The following DAB1 variants were observed in gnomAD, a reference collection of about 807,000 sequenced individuals.
The protein encoded by DAB1 is DAB adaptor protein 1.
In DAB1, 15 loss-of-function variants were observed where a neutral mutation model predicts 64.6. That is an observed-to-expected ratio of 0.23 (90% CI 0.16 to 0.36). DAB1 has a LOEUF of 0.36. Ranked by LOEUF, DAB1 falls within the 10% of genes least tolerant of loss-of-function variation. The pLI, the probability that DAB1 is intolerant of heterozygous loss-of-function variation, is 1.00. For synonymous variants in DAB1, 235 were observed against 251.9 expected, an observed-to-expected ratio of 0.93 and a Z score of 0.64; for missense variants, 596 against 706.7, an observed-to-expected ratio of 0.84 and a Z score of 1.78.
intron 4 of DAB1, among the ~76,000 whole-genome samples, chr1:58,245,575 G>C (rs1309298056): frequency 6.6e-6 from 1 of 151,808 alleles, no homozygotes; most frequent in Non-Finnish European, 1.5e-5. Flanking sequence ...GGGTAGAGTG[G>C]AAAAAAGAGA....
At position 57,049,450 on chromosome 1, in the gene DAB1, C is replaced by CAAAAAAAAAAAAAAAA. The variant is rs574438911; in HGVS notation, c.723+13418_723+13433dup. 9.8e-4 allele frequency among the ~76,000 whole-genome samples: 24 copies of CAAAAAAAAAAAAAAAA among 24,582 alleles called. 1 individual carries two copies. Among genetic ancestry groups the CAAAAAAAAAAAAAAAA allele is most frequent in the Non-Finnish European group, 1.5e-3 (21 of 13,872 alleles). 16.1% of individuals were successfully genotyped at this position (24,582 alleles called of 152,430 possible). On this transcript the variant is annotated intron_variant, in intron 9 of 14. Transcript: ENST00000371236. The stretch of plus-strand genomic sequence containing the variant: ...TGGGCAACAGAGCAAGACTCCGTCT[C>CAAAAAAAAAAAAAAAA]AAAAAAAAAAAAAAAAAAAAAAAAA...
At chr1:57,288,940 A>G (rs1358399064) in intron 2 of DAB1, among the ~76,000 whole-genome samples, 4 of 152,182 alleles carry the variant, frequency 2.6e-5, no homozygotes, top group African/African-American at 9.6e-5. Flanking sequence ...TTATATACCC[A>G]TTTTATAAGA....
intron 11 of DAB1, among the ~76,000 whole-genome samples, chr1:57,019,303 T>C (rs927351914): frequency 3.3e-5 from 5 of 152,232 alleles, no homozygotes; most frequent in Non-Finnish European, 7.3e-5. Flanking sequence ...ATAAGTGCTG[T>C]GATCTCTGAT....
chr1:57,801,274 T>C (rs1651111556), intron 6 of DAB1, among the ~76,000 whole-genome samples: 1 of 152,210 alleles, frequency 6.6e-6, no homozygotes, highest in Non-Finnish European at 1.5e-5. Context: ...GTTACTTGTC[T>C]TATCTGGACC....
chr1:58,369,582 A>G (rs1414782616), intron 3 of DAB1, among the ~76,000 whole-genome samples: 1 of 152,278 alleles, frequency 6.6e-6, no homozygotes, highest in East Asian at 1.9e-4. Context: ...GAAGATAACA[A>G]ATGCTCATTT....
intron 5 of DAB1, among the ~76,000 whole-genome samples, chr1:58,132,320 C>T (rs559027939): frequency 3.9e-4 from 59 of 152,298 alleles, no homozygotes; most frequent in Non-Finnish European, 6.6e-4. Flanking sequence ...CTTCAGCTCG[C>T]GCACGGTGCA....
chr1:57,284,305 A>T (rs1672139538), intron 2 of DAB1, among the ~76,000 whole-genome samples: 1 of 152,190 alleles, frequency 6.6e-6, no homozygotes, highest in Non-Finnish European at 1.5e-5. Context: ...CTTTAACTAC[A>T]GCGTGGATGA....
chr1:57,815,164 C>G (rs998293514), intron 6 of DAB1, among the ~76,000 whole-genome samples: 9 of 151,990 alleles, frequency 5.9e-5, no homozygotes, highest in Non-Finnish European at 1.5e-5. Context: ...CTCCACCTCC[C>G]GGGTTCACAC....
At chr1:57,855,576 A>T (rs1247093477) in intron 1 of DAB1, among the ~76,000 whole-genome samples, 1 of 152,188 alleles carries the variant, frequency 6.6e-6, no homozygotes, top group African/African-American at 2.4e-5. Context: ...GACTGAAATG[A>T]AATGAAGGGT....
chr1:57,715,915 T>C (rs1647078608), intron 6 of DAB1, among the ~76,000 whole-genome samples: 1 of 152,184 alleles, frequency 6.6e-6, no homozygotes, highest in African/African-American at 2.4e-5. Flanking sequence ...TGACATTCTT[T>C]TTTTCTTTTC....
At chr1:58,541,614 C>CAAAAAAAAAAAAAA (rs60360589) in intron 1 of DAB1, 23 of 65,624 alleles carry the variant, frequency 3.5e-4, no homozygotes, top group South Asian at 7.5e-4. Flanking sequence ...GAGAACCTGT[C>CAAAAAAAAAAAAAA]AAAAAAAAAA....
chr1:57,718,517 A>G (rs1647112308), intron 6 of DAB1, among the ~76,000 whole-genome samples: 1 of 152,150 alleles, frequency 6.6e-6, no homozygotes, highest in Non-Finnish European at 1.5e-5. Context: ...GAAAAAAGCA[A>G]TTCTGAAGAA....
Position 57,889,901 on chromosome 1 carries a change from G to C in DAB1, n.388-5739C>G, listed in dbSNP as rs548485063. Among the ~76,000 whole-genome samples the C allele has an allele frequency of 1.2e-4, 9 of 72,624 alleles. No individual in the cohort carries two copies. In the East Asian group the frequency reaches 2.0e-3, roughly 16 times the overall value. 47.6% of individuals were successfully genotyped at this position (72,624 alleles called of 152,430 possible). On this transcript the variant is annotated intron_variant and non_coding_transcript_variant, in intron 5 of 20. Transcript: ENST00000485760. ...GCAGATGGTAGCACAAACTGGGGCG[G>C]GGGGGGGGGAGGGGGAAGAAATCAC... is the stretch of plus-strand genomic sequence containing the variant.
intron 7 of DAB1, among the ~76,000 whole-genome samples, chr1:57,558,191 G>A (rs1645012512): frequency 6.6e-6 from 1 of 152,186 alleles, no homozygotes. Flanking sequence ...AGAAGAAAGA[G>A]CTTCCCCATC....
chr1:57,691,541 T>C (rs1646764419), intron 6 of DAB1, among the ~76,000 whole-genome samples: 1 of 152,166 alleles, frequency 6.6e-6, no homozygotes, highest in Non-Finnish European at 1.5e-5. Flanking sequence ...GATCACTCTT[T>C]GGGTCTGCAC....
chr1:58,342,674 A>G (rs1166147303), intron 4 of DAB1, among the ~76,000 whole-genome samples: 1 of 152,074 alleles, frequency 6.6e-6, no homozygotes, highest in African/African-American at 2.4e-5. Context: ...TCTCCAATGT[A>G]CCCTATATCA....
At chr1:57,511,061 C>T (rs1238928904) in intron 7 of DAB1, among the ~76,000 whole-genome samples, 1 of 152,176 alleles carries the variant, frequency 6.6e-6, no homozygotes, top group African/African-American at 2.4e-5. Flanking sequence ...CATGTCTCCC[C>T]TCTTAAAAGC....
intron 5 of DAB1, among the ~76,000 whole-genome samples, chr1:58,001,570 T>C (rs1287276043): frequency 1.3e-5 from 2 of 152,152 alleles, no homozygotes; most frequent in African/African-American, 4.8e-5. Flanking sequence ...GAAAAGGCCC[T>C]TTTTCTGAAC....
At chr1:58,473,636 A>G (rs925011261) in intron 3 of DAB1, among the ~76,000 whole-genome samples, 2 of 152,208 alleles carry the variant, frequency 1.3e-5, no homozygotes, top group African/African-American at 4.8e-5. Flanking sequence ...GAGGGAGTCA[A>G]GCAAGCTACT....
Sources: allele counts gnomAD v4.1 joint callset (sites outside exome capture counted in the v4.1 genomes callset), GRCh38; gene constraint gnomAD v4.1.1; transcripts MANE v1.5; gene names NCBI Gene and HGNC (gene_info 2026-07-23, HGNC 2026-07-21).